The following RHBDD2 variants were observed in gnomAD, a reference collection of about 807,000 sequenced individuals.
RHBDD2 encodes the protein rhomboid domain containing 2, also known as rhomboid domain-containing protein 2.
RHBDD2 carries 13 observed loss-of-function variants against 21.7 expected under a neutral mutation model. The ratio of observed to expected loss-of-function variants is 0.60; its 90% CI spans 0.39 to 0.95. RHBDD2 has a LOEUF of 0.95. Among genes scored for constraint, RHBDD2 ranks in the 40% least tolerant of loss-of-function variants. The pLI is 0.00. For missense variants in RHBDD2, 473 were observed against 478.9 expected, an observed-to-expected ratio of 0.99 and a Z score of 0.11; for synonymous variants, 225 against 220.0, an observed-to-expected ratio of 1.02 and a Z score of -0.20.
chr7:75,880,797 C>T (rs1257551150), intron 1 of RHBDD2, among the ~76,000 whole-genome samples: 1 of 152,142 alleles, frequency 6.6e-6, no homozygotes, highest in South Asian at 2.1e-4. Context: ...GCAATCATAG[C>T]TCACTGCAGC....
chr7:75,886,313 T>C (rs1563380151), intron 3 of RHBDD2, among the ~76,000 whole-genome samples: 1 of 152,196 alleles, frequency 6.6e-6, no homozygotes, highest in Non-Finnish European at 1.5e-5. Context: ...CACCGCATTA[T>C]TGCTTCAGGC....
Position 75,879,236 on chromosome 7 carries a change from T to C in RHBDD2, c.154T>C (p.Ser52Pro), listed in dbSNP as rs1554542000. The change falls in exon 1 of 4, where the codon TCC becomes CCC. Residue 52 changes from serine to proline, a missense_variant. Physicochemically the swap from Ser to Pro is moderately conservative, Grantham distance 74. Transcript: ENST00000006777. ...GGCGCCCTCGGGCCTCACGCTGAAGTCCGAGGCCCTTCGCAACTGGCAAGG... is the reference window on the plus strand; with the variant it reads ...GGCGCCCTCGGGCCTCACGCTGAAGCCCGAGGCCCTTCGCAACTGGCAAGG... ...PLAPSGLTLKSEALRNWQVYR... is the reference protein window; with the variant it reads ...PLAPSGLTLKPEALRNWQVYR... 1 of 1,518,942 alleles carries C rather than the reference T, an allele frequency of 6.6e-7. No homozygotes were observed. The highest frequency in any genetic ancestry group is 2.7e-5 in the East Asian group (1 of 36,612). The allele number at this position is 1,518,942 out of a possible 1,614,324, so 94.1% of individuals were successfully genotyped here.
chr7:75,887,915 G>A, intron 3 of RHBDD2, 77 bp from the exon 4 acceptor site: 2 of 1,260,600 alleles, frequency 1.6e-6, no homozygotes, highest in South Asian at 1.3e-5. Context: ...TAGAAAGCGG[G>A]GGCAACCTCA....
At position 75,881,890 on chromosome 7, in the gene RHBDD2, TATC is replaced by T. The variant is rs1585055680; in HGVS notation, c.247_249del (p.Ile83del). On this transcript the variant is annotated inframe_deletion, in exon 2 of 4. Transcript: ENST00000006777. Reference sequence around the variant, plus strand: ...ATCCCATCTCCCTGCTCTGCGGCGCTATCATCATCTGGCGCTTTGCTGGCAATT... The same window carrying T: ...ATCCCATCTCCCTGCTCTGCGGCGCTATCATCTGGCGCTTTGCTGGCAATT... 1.9e-6 allele frequency: 3 copies of T among 1,614,052 alleles called. No individual in the cohort carries two copies. In the African/African-American group the frequency reaches 4.0e-5, roughly 22 times the overall value.
Position 75,882,199 on chromosome 7 carries a change from C to T in RHBDD2, c.549C>T (p.Phe183=). 1 of 1,613,998 alleles carries T rather than the reference C, an allele frequency of 6.2e-7. No individual in the cohort carries two copies. The highest frequency in any genetic ancestry group is 8.5e-7 in the Non-Finnish European group (1 of 1,179,948). The change falls in exon 2 of 4, where the codon TTC becomes TTT. Residue 183 remains phenylalanine (F), a synonymous_variant. Transcript: ENST00000006777. ...CGTGGCTCATTCCCCAGACCTCTTTCCTCAGTAATGTCTGCGGGCTGTCCA... is the reference window on the plus strand; with the variant it reads ...CGTGGCTCATTCCCCAGACCTCTTTTCTCAGTAATGTCTGCGGGCTGTCCA... ...GASWLIPQTS[F]LSNVCGLSIG...
chr7:75,879,155 GCGCTGCTCT>G lies in RHBDD2; in HGVS notation c.81_89del (p.Ser28_Leu30del). 6.7e-7 allele frequency: 1 copy of G among 1,499,332 alleles called. No individual in the cohort carries two copies. Among genetic ancestry groups the G allele is most frequent in the Non-Finnish European group, 8.9e-7 (1 of 1,121,126 alleles). The allele number at this position is 1,499,332 out of a possible 1,614,324, so 92.9% of individuals were successfully genotyped here. A position where few individuals can be genotyped will look rare whatever the true frequency, so the allele number is the denominator to read the frequency against. ...GGTGCCATCCGCCACCTTCTTCACT[GCGCTGCTCT>G]CGCTGCTGGTTTCCGGGCCTCGCCT... On this transcript the variant is annotated inframe_deletion, in exon 1 of 4. Transcript: ENST00000006777.
chr7:75,879,147 T>C lies in RHBDD2; in HGVS notation c.65T>C (p.Phe22Ser). The change falls in exon 1 of 4, where the codon TTC (phenylalanine) becomes TCC (serine). Residue 22 changes from phenylalanine to serine, a missense_variant. By Grantham distance (155) the Phe-to-Ser change is radical (BLOSUM62 -2). Transcript: ENST00000006777. ...CLCPEVPSAT[F>S]FTALLSLLVS... is the part of the protein sequence containing the mutation. ...TGTCCCGAGGTGCCATCCGCCACCT[T>C]CTTCACTGCGCTGCTCTCGCTGCTG... 1 of 1,467,084 alleles carries C rather than the reference T, an allele frequency of 6.8e-7. No homozygotes were observed. The highest frequency in any genetic ancestry group is 9.1e-7 in the Non-Finnish European group (1 of 1,102,934). The allele number at this position is 1,467,084 out of a possible 1,614,324, so 90.9% of individuals were successfully genotyped here. A position where few individuals can be genotyped will look rare whatever the true frequency, so the allele number is the denominator to read the frequency against.
At position 75,888,530 on chromosome 7, in the gene RHBDD2, C is replaced by T. The variant is rs782327869; in HGVS notation, c.*181C>T. ...GCCCTGTGGAGTACGGTGTACTGGC[C>T]CAGCTTACAGATGCAGAAAGCGAGA... On this transcript the variant is annotated 3_prime_UTR_variant, in exon 4 of 4. Coordinates refer to ENST00000006777, the MANE Select transcript of RHBDD2 (RefSeq NM_001040456.3). The T allele has an allele frequency of 9.5e-5, 54 of 568,268 alleles. No homozygotes were observed. In the Admixed American group the frequency reaches 1.3e-3, roughly 14 times the overall value. 35.2% of individuals were successfully genotyped at this position (568,268 alleles called of 1,614,324 possible). A position where few individuals can be genotyped will look rare whatever the true frequency, so the allele number is the denominator to read the frequency against.
At position 75,879,071 on chromosome 7, in the gene RHBDD2, A is replaced by T; in HGVS notation, c.-12A>T. 6.6e-6 allele frequency: 9 copies of T among 1,364,950 alleles called. No individual in the cohort carries two copies. The highest frequency in any genetic ancestry group is 8.5e-6 in the Non-Finnish European group (9 of 1,054,548). The allele number at this position is 1,364,950 out of a possible 1,614,324, so 84.6% of individuals were successfully genotyped here. A position where few individuals can be genotyped will look rare whatever the true frequency, so the allele number is the denominator to read the frequency against. ...GCCGGCGTCGAGGCGGGGCGCGGGA[A>T]CGACGGCGGCCATGGCGGCCTCGGG... On this transcript the variant is annotated 5_prime_UTR_variant, in exon 1 of 4. Transcript: ENST00000006777.
In RHBDD2 at chr7:75,883,727, C is replaced by G; in HGVS notation, c.616C>G (p.Leu206Val). Residue 206 changes from leucine (L) to valine (V), a missense_variant, in exon 3 of 4, where the codon CTC becomes GTC. Coordinates refer to ENST00000006777, the MANE Select transcript of RHBDD2 (RefSeq NM_001040456.3). The part of the protein sequence containing the change: ...YGLTYCYSID[L>V]SERVALKLDQ... ...CCTCACCTACTGCTATTCCATCGAC[C>G]TCTCAGAGCGAGTGGCACTGAAGCT... 6.2e-7 allele frequency: 1 copy of G among 1,613,654 alleles called. No homozygotes were observed.
chr7:75,879,948 A>T (rs1554542200), intron 1 of RHBDD2, among the ~76,000 whole-genome samples: 1 of 152,206 alleles, frequency 6.6e-6, no homozygotes, highest in East Asian at 1.9e-4. Flanking sequence ...CTCGAGAGGA[A>T]CACAGGAAAT....
chr7:75,883,681 TAACACGCC>T lies in RHBDD2; in HGVS notation c.587-13_587-6del. 6.2e-7 allele frequency: 1 copy of T among 1,611,226 alleles called. No homozygotes were observed. Among genetic ancestry groups the T allele is most frequent in the South Asian group, 1.1e-5 (1 of 90,784 alleles). ...TCCCTTTGCTGCCTCCAGTTTCACT[TAACACGCC>T]AACCTCAGATGGCCTCACCTACTGC... is the stretch of plus-strand genomic sequence containing the variant. On this transcript the variant is annotated splice_polypyrimidine_tract_variant and intron_variant, in intron 2 of 3. Transcript: ENST00000006777.
chr7:75,887,426 T>A (rs1585063862), intron 3 of RHBDD2, among the ~76,000 whole-genome samples: 1 of 151,608 alleles, frequency 6.6e-6, no homozygotes, highest in Admixed American at 6.6e-5. Context: ...CAAGCGATTC[T>A]CCTGCCTCAG....
At chr7:75,886,419 C>CT (rs1259818492) in intron 3 of RHBDD2, among the ~76,000 whole-genome samples, 10 of 152,234 alleles carry the variant, frequency 6.6e-5, no homozygotes, top group Non-Finnish European at 1.5e-4. Flanking sequence ...GGAGAACTGT[C>CT]TGTCACCAAG....
intron 1 of RHBDD2, among the ~76,000 whole-genome samples, chr7:75,880,583 AGC>A (rs1805266232): frequency 1.3e-5 from 2 of 152,148 alleles, no homozygotes; most frequent in Non-Finnish European, 1.5e-5. Flanking sequence ...GATTAAACTC[AGC>A]CAGCCTGGAT....
chr7:75,885,329 C>G (rs1242686950), intron 3 of RHBDD2, among the ~76,000 whole-genome samples: 3 of 152,116 alleles, frequency 2.0e-5, no homozygotes, highest in African/African-American at 7.2e-5. Context: ...CTTTCTCACC[C>G]ACTCTGTTTC....
At chr7:75,881,631 A>C (rs1173041763) in intron 1 of RHBDD2, 198 bp from the exon 2 acceptor site, 2 of 1,010,704 alleles carry the variant, frequency 2.0e-6, no homozygotes, top group East Asian at 5.3e-5. Flanking sequence ...TGTAGGGATT[A>C]GATATTCATG....
At chr7:75,880,548 C>A (rs1255985051) in intron 1 of RHBDD2, among the ~76,000 whole-genome samples, 1 of 152,128 alleles carries the variant, frequency 6.6e-6, no homozygotes, top group African/African-American at 2.4e-5. Context: ...AGTGAGGAAA[C>A]TGACGCCTAG....
At chr7:75,887,952 G>A in intron 3 of RHBDD2, 40 bp from the exon 4 acceptor site, 1 of 1,556,634 alleles carries the variant, frequency 6.4e-7, no homozygotes, top group South Asian at 1.1e-5. Flanking sequence ...ACCTTGCCAA[G>A]ACTCGCTGAA....
Sources: allele counts gnomAD v4.1 joint callset (sites outside exome capture counted in the v4.1 genomes callset), GRCh38; gene constraint gnomAD v4.1.1; transcripts MANE v1.5; gene names NCBI Gene and HGNC (gene_info 2026-07-23, HGNC 2026-07-21).